Variants in SAMD4A observed in about 807,000 individuals in gnomAD.
SAMD4A encodes sterile alpha motif domain containing 4A.
In SAMD4A, 33 loss-of-function variants were observed where a neutral mutation model predicts 81.3. The ratio of observed to expected loss-of-function variants is 0.41; its 90% confidence interval spans 0.31 to 0.54. The LOEUF is 0.54. SAMD4A is among the 20% of genes least tolerant of loss of function. The pLI is 0.37. For missense variants in SAMD4A, 854 were observed against 951.1 expected, an observed-to-expected ratio of 0.90 and a Z score of 1.34; for synonymous variants, 389 against 382.1, an observed-to-expected ratio of 1.02 and a Z score of -0.21.
chr14:54,791,293 T>G lies in SAMD4A; in HGVS notation c.*2349T>G, dbSNP rs1463694859. On this transcript the variant is annotated 3_prime_UTR_variant, in exon 13 of 13. Coordinates refer to ENST00000554335, the MANE Select transcript of SAMD4A (RefSeq NM_015589.6). ...AGAAAAAACCATGGTATTACACATCTTGCTGAGAAAGGAAAGCATTCGGAT... is the reference window on the plus strand; with the variant it reads ...AGAAAAAACCATGGTATTACACATCGTGCTGAGAAAGGAAAGCATTCGGAT... 6.6e-6 allele frequency: 1 copy of G among 152,310 alleles called. No homozygotes were observed. The highest frequency in any genetic ancestry group is 1.5e-5 in the Non-Finnish European group (1 of 68,024). 9.4% of individuals were successfully genotyped at this position (152,310 alleles called of 1,614,324 possible).
In SAMD4A at chr14:54,568,058, T is replaced by G. The variant is rs2032992882; in HGVS notation, c.142T>G (p.Ser48Ala). 6.3e-7 allele frequency: 1 copy of G among 1,593,270 alleles called. No homozygotes were observed. The highest frequency in any genetic ancestry group is 1.4e-5 in the African/African-American group (1 of 73,840). ...CTTCCTCCAGCTCTGCCTGGAGCAC[T>G]CGCTGGCCGACTGCGCCGAGCTGCA... ...ARFLQLCLEH[S>A]LADCAELHVL... Residue 48 changes from serine (S) to alanine (A), a missense_variant, in exon 2 of 13, where the codon TCG becomes GCG. Transcript: ENST00000554335.
At chr14:54,637,072 A>G (rs2035050969) in intron 2 of SAMD4A, among the ~76,000 whole-genome samples, 1 of 152,094 alleles carries the variant, frequency 6.6e-6, no homozygotes, top group African/African-American at 2.4e-5. Flanking sequence ...CAACATTAAG[A>G]GGCAAGAAGA....
At chr14:54,629,351 T>C (rs2034840304) in intron 2 of SAMD4A, among the ~76,000 whole-genome samples, 1 of 152,208 alleles carries the variant, frequency 6.6e-6, no homozygotes. Flanking sequence ...AATAAATTTC[T>C]GTTGTTTTAA....
At chr14:54,584,320 A>G (rs1421490892) in intron 2 of SAMD4A, among the ~76,000 whole-genome samples, 1 of 152,214 alleles carries the variant, frequency 6.6e-6, no homozygotes, top group Non-Finnish European at 1.5e-5. Context: ...TTGCATGTGC[A>G]GGAGTAGGAG....
At chr14:54,681,729 G>T in intron 2 of SAMD4A, 1 of 941,472 alleles carries the variant, frequency 1.1e-6, no homozygotes, top group Non-Finnish European at 1.3e-6. Flanking sequence ...ACCACGCCCT[G>T]CCTTTTAGAA....
At chr14:54,655,747 AAAACAAAC>A (rs536257487) in intron 2 of SAMD4A, among the ~76,000 whole-genome samples, 1 of 152,152 alleles carries the variant, frequency 6.6e-6, no homozygotes, top group African/African-American at 2.4e-5. Flanking sequence ...TCAAAAAACA[AAAACAAAC>A]AAACAAACAA....
At position 54,760,252 on chromosome 14, in the gene SAMD4A, C is replaced by T; in HGVS notation, c.1268C>T (p.Thr423Ile). 1 of 1,613,194 alleles carries T rather than the reference C, an allele frequency of 6.2e-7. No individual in the cohort carries two copies. Among genetic ancestry groups the T allele is most frequent in the Non-Finnish European group, 8.5e-7 (1 of 1,179,890 alleles). ...TPIKAYSSPS[T>I]TPEARRREPQ... Reference sequence around the variant, plus strand: ...ATCAAGGCCTACAGCTCCCCGAGCACCACCCCCGAGGCTCGCCGCCGGGAG... The same window carrying T: ...ATCAAGGCCTACAGCTCCCCGAGCATCACCCCCGAGGCTCGCCGCCGGGAG... The change falls in exon 7 of 13, where the codon ACC becomes ATC. Residue 423 changes from threonine to isoleucine, a missense_variant. By Grantham distance (89) the Thr-to-Ile change is moderately conservative. This residue lies in a region of SAMD4A where 428 missense variants were observed against 471.2 expected (regional missense o/e 0.91). Coordinates refer to ENST00000554335, the MANE Select transcript of SAMD4A (RefSeq NM_015589.6).
intron 2 of SAMD4A, among the ~76,000 whole-genome samples, chr14:54,613,374 T>A (rs989730610): frequency 5.9e-5 from 9 of 152,154 alleles, no homozygotes; most frequent in Non-Finnish European, 1.3e-4. Flanking sequence ...TCACCTCTAC[T>A]GGTAAGTAGG....
At chr14:54,670,774 C>G (rs2035863962) in intron 2 of SAMD4A, among the ~76,000 whole-genome samples, 1 of 152,216 alleles carries the variant, frequency 6.6e-6, no homozygotes, top group Non-Finnish European at 1.5e-5. Flanking sequence ...AACTTAACTG[C>G]TGTTGCCTCC....
At chr14:54,656,694 C>G (rs2035527713) in intron 2 of SAMD4A, among the ~76,000 whole-genome samples, 1 of 152,208 alleles carries the variant, frequency 6.6e-6, no homozygotes, top group Admixed American at 6.5e-5. Context: ...GTGGCGCGAT[C>G]TCGGCTCACT....
At chr14:54,670,757 AGAG>A (rs1386063317) in intron 2 of SAMD4A, among the ~76,000 whole-genome samples, 3 of 152,260 alleles carry the variant, frequency 2.0e-5, no homozygotes. Flanking sequence ...TGGAGGGAAC[AGAG>A]GAGAACTTAA....
chr14:54,736,117 C>T (rs1051860988), intron 3 of SAMD4A, among the ~76,000 whole-genome samples: 2 of 152,184 alleles, frequency 1.3e-5, no homozygotes, highest in African/African-American at 4.8e-5. Context: ...TCGGCTCCTT[C>T]AGTGTTGGTT....
intron 6 of SAMD4A, among the ~76,000 whole-genome samples, chr14:54,752,729 A>T (rs900170078): frequency 6.6e-6 from 1 of 152,192 alleles, no homozygotes; most frequent in African/African-American, 2.4e-5. Context: ...GGGGACCGGC[A>T]CTCAGCATAC....
chr14:54,647,755 A>G (rs2140410239), intron 2 of SAMD4A, among the ~76,000 whole-genome samples: 1 of 152,336 alleles, frequency 6.6e-6, no homozygotes, highest in Admixed American at 6.5e-5. Context: ...AGGTCTTAGT[A>G]AAAAATCAGG....
At chr14:54,578,437 G>A (rs111543955) in intron 2 of SAMD4A, among the ~76,000 whole-genome samples, 11,536 of 151,890 alleles carry the variant, frequency 0.076, 458 homozygotes, top group East Asian at 0.11. Context: ...CTTGGTGGGC[G>A]CACTGGCTCA....
In SAMD4A at chr14:54,737,675, A is replaced by T. The variant is rs540493110; in HGVS notation, c.979+388A>T. Among the ~76,000 whole-genome samples, 34 of 150,996 alleles carry T rather than the reference A, an allele frequency of 2.3e-4. No individual in the cohort carries two copies. In the Middle Eastern group the frequency reaches 0.024, roughly 106 times the overall value. On this transcript the variant is annotated intron_variant, in intron 4 of 12. Transcript: ENST00000554335. ...TTGTACCTCATTGCTGTGGCCAGGG[A>T]CCTGTCAGTAATTCAGAAAAACAAA...
chr14:54,575,034 C>T (rs1056586809), intron 2 of SAMD4A, among the ~76,000 whole-genome samples: 2 of 152,100 alleles, frequency 1.3e-5, no homozygotes, highest in Non-Finnish European at 2.9e-5. Flanking sequence ...CAATTTGGTG[C>T]AGTAGCTTTC....
At chr14:54,746,449 A>G (rs1336986704) in intron 4 of SAMD4A, among the ~76,000 whole-genome samples, 1 of 152,150 alleles carries the variant, frequency 6.6e-6, no homozygotes, top group Non-Finnish European at 1.5e-5. Context: ...TTTTTAGGAA[A>G]ACTACTCCCA....
chr14:54,590,556 G>A (rs2033746945), intron 2 of SAMD4A, among the ~76,000 whole-genome samples: 1 of 152,136 alleles, frequency 6.6e-6, no homozygotes, highest in Non-Finnish European at 1.5e-5. Flanking sequence ...TGTGTAGGCA[G>A]CTTTATCTTC....
Sources: allele counts gnomAD v4.1 joint callset (sites outside exome capture counted in the v4.1 genomes callset), GRCh38; gene constraint gnomAD v4.1.1; regional missense constraint gnomAD v4.1.1; transcripts MANE v1.5; gene names NCBI Gene and HGNC (gene_info 2026-07-23, HGNC 2026-07-21).